Variants in SSBP3 observed in about 807,000 individuals in gnomAD.
The protein encoded by SSBP3 is single stranded DNA binding protein 3, also known as single-stranded DNA-binding protein 3.
In SSBP3, 5 loss-of-function variants were observed where a neutral mutation model predicts 69.6. The observed-to-expected ratio is 0.07, with a 90% confidence interval of 0.04 to 0.15. SSBP3 has a LOEUF of 0.15. Among genes scored for constraint, SSBP3 ranks in the 10% least tolerant of loss-of-function variants. The probability of loss-of-function intolerance (pLI) is 1.00; values close to 1 mark genes in which losing one functional copy is unlikely to be tolerated. For missense variants in SSBP3, 312 were observed against 534.0 expected, an observed-to-expected ratio of 0.58 and a Z score of 4.10; for synonymous variants, 196 against 193.4, an observed-to-expected ratio of 1.01 and a Z score of -0.11.
rs1434706981 is a variant in SSBP3, at chr1:54,239,212, G to T, written c.857-13C>A. ...GAATTTGTTGAATCTGTAGAACAGT[G>T]GAAACCCACAAGTCGGGGTGATTAA... is the stretch of plus-strand genomic sequence containing the variant. On this transcript the variant is annotated splice_polypyrimidine_tract_variant and intron_variant, in intron 13 of 17. Coordinates refer to ENST00000610401, the Ensembl canonical transcript of SSBP3. 1.3e-6 allele frequency: 2 copies of T among 1,598,858 alleles called. No individual in the cohort carries two copies. Among genetic ancestry groups the T allele is most frequent in the Non-Finnish European group, 8.5e-7 (1 of 1,172,588 alleles).
intron 4 of SSBP3, among the ~76,000 whole-genome samples, chr1:54,335,464 C>G (rs1646491996): frequency 6.6e-6 from 1 of 152,198 alleles, no homozygotes; most frequent in Non-Finnish European, 1.5e-5. Context: ...CAACTGTGAT[C>G]CATGTCAAGA....
chr1:54,271,321 G>A (rs180843965), intron 5 of SSBP3, among the ~76,000 whole-genome samples: 10 of 152,254 alleles, frequency 6.6e-5, no homozygotes, highest in Admixed American at 5.9e-4. Context: ...ATGTTGCCCA[G>A]GCTGGTTTCA....
At chr1:54,229,129 C>T (rs1027099085) in intron 14 of SSBP3, among the ~76,000 whole-genome samples, 1 of 152,238 alleles carries the variant, frequency 6.6e-6, no homozygotes, top group Non-Finnish European at 1.5e-5. Context: ...CACCACAGGG[C>T]CCTCTCCATC....
chr1:54,269,469 C>T (rs145380834), intron 5 of SSBP3, among the ~76,000 whole-genome samples: 94 of 152,288 alleles, frequency 6.2e-4, no homozygotes, highest in African/African-American at 2.2e-3. Context: ...CAAAACAGAC[C>T]GAAGTTCCTA....
At chr1:54,233,193 A>T (rs888315437) in intron 14 of SSBP3, among the ~76,000 whole-genome samples, 4 of 140,384 alleles carry the variant, frequency 2.8e-5, no homozygotes, top group African/African-American at 1.1e-4. Flanking sequence ...CTGCCCGGCC[A>T]CCCATCGTCT....
chr1:54,254,021 C>A (rs1044492866), intron 7 of SSBP3, among the ~76,000 whole-genome samples: 1 of 152,240 alleles, frequency 6.6e-6, no homozygotes, highest in Non-Finnish European at 1.5e-5. Flanking sequence ...CAGTCTGGGC[C>A]TCTTCTATCA....
intron 4 of SSBP3, among the ~76,000 whole-genome samples, chr1:54,330,276 G>C (rs955461242): frequency 6.6e-6 from 1 of 152,160 alleles, no homozygotes; most frequent in Non-Finnish European, 1.5e-5. Context: ...AAAGGGCACT[G>C]GTTCCGGGCA....
chr1:54,288,814 C>A, intron 4 of SSBP3, among the ~76,000 whole-genome samples: 1 of 151,828 alleles, frequency 6.6e-6, no homozygotes, highest in East Asian at 1.9e-4. Context: ...GTCAGGAGAT[C>A]GAGACCATCC....
At chr1:54,326,785 G>A (rs927900525) in intron 4 of SSBP3, among the ~76,000 whole-genome samples, 3 of 152,122 alleles carry the variant, frequency 2.0e-5, no homozygotes, top group Non-Finnish European at 4.4e-5. Context: ...CTGTAAACAG[G>A]CCTGTGGGTC....
rs534286014 is a variant in SSBP3, at chr1:54,243,219, G to A, written c.716+16C>T. ...ACCTGGACTCTGAGCCACGGGCCGG[G>A]TCGTTTTTGCCTTACATGTTAATCC... On this transcript the variant is annotated intron_variant, in intron 10 of 17. Coordinates refer to ENST00000610401, the Ensembl canonical transcript of SSBP3. 1.2e-5 allele frequency: 19 copies of A among 1,613,226 alleles called. No individual in the cohort carries two copies. The Admixed American group carries it at 3.2e-4, about 27-fold the overall frequency.
At position 54,233,555 on chromosome 1, in the gene SSBP3, G is replaced by A. The variant is rs1340636650; in HGVS notation, c.928-4729C>T. On this transcript the variant is annotated intron_variant, in intron 14 of 17. Transcript: ENST00000610401. The stretch of plus-strand genomic sequence containing the variant: ...GGGAGGTGGGGGGGGTAAGCCCCCC[G>A]CCCGGCCAGCCGCCCCGTCGGGGAG... Among the ~76,000 whole-genome samples the A allele has an allele frequency of 2.7e-4, 38 of 138,362 alleles. No homozygotes were observed. In the Middle Eastern group the frequency reaches 0.016, roughly 56 times the overall value. 90.8% of individuals were successfully genotyped at this position (138,362 alleles called of 152,430 possible).
exon 18 of SSBP3, chr1:54,225,547 A>G: frequency 1.3e-6 from 1 of 751,802 alleles, no homozygotes; most frequent in Non-Finnish European, 1.8e-6. Context: ...CTACAAGGTA[A>G]GAAAAAACAC....
At chr1:54,327,955 C>T (rs751755113) in intron 4 of SSBP3, among the ~76,000 whole-genome samples, 46 of 152,260 alleles carry the variant, frequency 3.0e-4, no homozygotes, top group Admixed American at 1.7e-3. Context: ...AATATAGTTC[C>T]GTAAGCCAGC....
chr1:54,316,710 A>AAATAAAT (rs931918752), intron 4 of SSBP3, among the ~76,000 whole-genome samples: 1 of 122,772 alleles, frequency 8.1e-6, no homozygotes, highest in Non-Finnish European at 1.6e-5. Flanking sequence ...ATAAATAAAT[A>AAATAAAT]AAATAAAATA....
chr1:54,371,008 A>G (rs1647123308), intron 4 of SSBP3, among the ~76,000 whole-genome samples: 1 of 152,130 alleles, frequency 6.6e-6, no homozygotes, highest in South Asian at 2.1e-4. Flanking sequence ...GTGATTGAAA[A>G]GACAGGGCCA....
At chr1:54,238,337 C>G (rs1644537056) in intron 14 of SSBP3, 3 of 470,968 alleles carry the variant, frequency 6.4e-6, no homozygotes, top group South Asian at 4.6e-5. Context: ...CTCTCTGGCT[C>G]TACAGTCTGT....
intron 14 of SSBP3, among the ~76,000 whole-genome samples, chr1:54,232,176 G>A (rs1347069612): frequency 6.6e-6 from 1 of 152,212 alleles, no homozygotes; most frequent in Non-Finnish European, 1.5e-5. Context: ...GTAGCAATTA[G>A]GAGGTGGACT....
At chr1:54,312,432 ATATAAAT>A (rs139602432) in intron 4 of SSBP3, among the ~76,000 whole-genome samples, 2,581 of 152,154 alleles carry the variant, frequency 0.017, 71 homozygotes, top group African/African-American at 0.059. Context: ...TCTATTAAAA[ATATAAAT>A]TAGCCGGGTG....
At chr1:54,340,099 T>C (rs1646580490) in intron 4 of SSBP3, among the ~76,000 whole-genome samples, 1 of 152,100 alleles carries the variant, frequency 6.6e-6, no homozygotes, top group Non-Finnish European at 1.5e-5. Flanking sequence ...AAGGAAGGCA[T>C]TTGCTTTTTG....
Sources: gnomAD v4.1 joint callset for allele counts (sites outside exome capture counted in the v4.1 genomes callset) on GRCh38, gnomAD v4.1.1 for gene constraint, MANE v1.5 for transcripts, NCBI Gene and HGNC (gene_info 2026-07-23, HGNC 2026-07-21) for gene names.